The following FBXL20 variants were observed in gnomAD, a reference collection of about 807,000 sequenced individuals.
FBXL20 encodes F-box/LRR-repeat protein 20.
Under a neutral mutation model 64.0 loss-of-function variants are expected in FBXL20, and 11 were observed. The ratio of observed to expected loss-of-function variants is 0.17; its 90% confidence interval spans 0.11 to 0.28. The LOEUF is 0.28. Ranked by LOEUF, FBXL20 falls within the 10% of genes least tolerant of loss-of-function variation. FBXL20 has a pLI of 1.00. For synonymous variants in FBXL20, 184 were observed against 189.0 expected (o/e 0.97, Z 0.22); for missense variants, 303 against 526.2 (o/e 0.58, Z 4.15).
intron 1 of FBXL20, among the ~76,000 whole-genome samples, chr17:39,380,801 T>C (rs535441399): frequency 6.6e-6 from 1 of 152,256 alleles, no homozygotes; most frequent in African/African-American, 2.4e-5. Context: ...CTGACTGAAT[T>C]AGTGATGAGA....
At chr17:39,302,893 G>T (rs578042190) in intron 3 of FBXL20, among the ~76,000 whole-genome samples, 40 of 151,838 alleles carry the variant, frequency 2.6e-4, no homozygotes, top group African/African-American at 9.4e-4. Context: ...ACTTAGAAAA[G>T]ATACTATCAT....
chr17:39,276,763 T>C (rs1239714489), intron 9 of FBXL20, among the ~76,000 whole-genome samples: 1 of 152,168 alleles, frequency 6.6e-6, no homozygotes, highest in Non-Finnish European at 1.5e-5. Flanking sequence ...GAGTAATTTG[T>C]TGCACAATAA....
intron 2 of FBXL20, among the ~76,000 whole-genome samples, chr17:39,313,270 A>G (rs904094468): frequency 3.5e-5 from 5 of 141,490 alleles, no homozygotes; most frequent in African/African-American, 1.3e-4. Flanking sequence ...GTCTCACTCT[A>G]TTGCCCAGGC....
intron 1 of FBXL20, among the ~76,000 whole-genome samples, chr17:39,390,857 G>A (rs2048127124): frequency 1.3e-5 from 2 of 152,038 alleles, no homozygotes; most frequent in Admixed American, 1.3e-4. Flanking sequence ...GACCAGCCTG[G>A]TCAAGATGGT....
At chr17:39,312,968 G>T (rs1451395533) in intron 2 of FBXL20, among the ~76,000 whole-genome samples, 1 of 143,036 alleles carries the variant, frequency 7.0e-6, no homozygotes, top group East Asian at 2.0e-4. Flanking sequence ...GCCCAGACTG[G>T]ACTGCAGTGG....
At chr17:39,384,138 G>A (rs1459314826) in intron 1 of FBXL20, among the ~76,000 whole-genome samples, 1 of 152,018 alleles carries the variant, frequency 6.6e-6, no homozygotes, top group Non-Finnish European at 1.5e-5. Context: ...GGGAGGGTAA[G>A]GTGGAAGATC....
chr17:39,272,313 G>A (rs541503132), intron 10 of FBXL20, among the ~76,000 whole-genome samples: 23 of 151,536 alleles, frequency 1.5e-4, no homozygotes, highest in Admixed American at 9.2e-4. Flanking sequence ...TTGAACCCAG[G>A]AGGCGGAGTT....
At chr17:39,316,418 C>T (rs1166584606) in intron 2 of FBXL20, among the ~76,000 whole-genome samples, 1 of 151,990 alleles carries the variant, frequency 6.6e-6, no homozygotes, top group South Asian at 2.1e-4. Flanking sequence ...CTAAACATTT[C>T]TTTCTAGTAG....
intron 1 of FBXL20, among the ~76,000 whole-genome samples, chr17:39,364,588 A>G (rs1298227869): frequency 2.0e-5 from 3 of 152,122 alleles, no homozygotes; most frequent in Admixed American, 6.6e-5. Context: ...CCAGCCTGGG[A>G]GACAGAACAA....
chr17:39,384,635 C>G (rs1390749916), intron 1 of FBXL20, among the ~76,000 whole-genome samples: 1 of 151,988 alleles, frequency 6.6e-6, no homozygotes, highest in African/African-American at 2.4e-5. Context: ...CCAGTATAAT[C>G]TTGTTTGTTC....
chr17:39,393,230 A>G (rs2144680407), intron 1 of FBXL20, among the ~76,000 whole-genome samples: 1 of 152,230 alleles, frequency 6.6e-6, no homozygotes, highest in South Asian at 2.1e-4. Flanking sequence ...CAGAGGTTGC[A>G]GTGAGCTCAG....
rs62075003 is a variant in FBXL20, at chr17:39,360,002, A to G, written c.43-16761T>C. Among the ~76,000 whole-genome samples, 297 of 152,296 alleles carry G rather than the reference A, an allele frequency of 2.0e-3. 2 individuals are homozygous for G. The highest frequency in any genetic ancestry group is 2.5e-3 in the Non-Finnish European group (169 of 68,020). ...AAACATTAAAGTATTAAATGTATAA[A>G]CATAAAATATTAAAATTATGTTGTT... On this transcript the variant is annotated intron_variant, in intron 1 of 14. Coordinates refer to ENST00000264658, the MANE Select transcript of FBXL20 (RefSeq NM_032875.3).
chr17:39,292,783 G>A (rs951074594), intron 6 of FBXL20, among the ~76,000 whole-genome samples: 1 of 150,518 alleles, frequency 6.6e-6, no homozygotes, highest in East Asian at 2.0e-4. Context: ...CTTTGCATAT[G>A]TCTTATAATT....
chr17:39,273,401 T>G (rs1323321090), intron 10 of FBXL20, among the ~76,000 whole-genome samples: 1 of 152,198 alleles, frequency 6.6e-6, no homozygotes, highest in Non-Finnish European at 1.5e-5. Flanking sequence ...CAATGATTAT[T>G]ATATGTAAGA....
chr17:39,399,817 C>T (rs979614821), intron 1 of FBXL20, among the ~76,000 whole-genome samples: 2 of 152,248 alleles, frequency 1.3e-5, no homozygotes, highest in Non-Finnish European at 1.5e-5. Context: ...TGTAATTTTA[C>T]ACCACATACA....
At chr17:39,381,819 G>A (rs965248467) in intron 1 of FBXL20, among the ~76,000 whole-genome samples, 20 of 150,438 alleles carry the variant, frequency 1.3e-4, no homozygotes, top group Admixed American at 9.3e-4. Context: ...AAAAAAGGCC[G>A]GGCACAGTGG....
Position 39,371,229 on chromosome 17 carries a change from T to A in FBXL20, c.43-27988A>T, listed in dbSNP as rs900171956. ...CAAAGAAAAAAGAAGGGTTTTGTCA[T>A]GCATGACTTTATGAGGTAATCTGCC... On this transcript the variant is annotated intron_variant, in intron 1 of 14. Transcript: ENST00000264658. 4.6e-5 allele frequency among the ~76,000 whole-genome samples: 7 copies of A among 152,280 alleles called. No individual in the cohort carries two copies. In the East Asian group the frequency reaches 1.3e-3, roughly 29 times the overall value.
rs945935087 is a variant in FBXL20 at position 39,343,739 on chromosome 17, A to C, written c.43-498T>G. ...GAGACAGAGTCTTGCTCTGCTGCCC[A>C]GTCTGGAGTACAGTGGCATGATCTC... On this transcript the variant is annotated intron_variant, in intron 1 of 14. Coordinates refer to ENST00000264658, the MANE Select transcript of FBXL20 (RefSeq NM_032875.3). Among the ~76,000 whole-genome samples, 13 of 143,770 alleles carry C rather than the reference A, an allele frequency of 9.0e-5. 1 individual carries two copies. Among genetic ancestry groups the C allele is most frequent in the South Asian group, 6.6e-4 (3 of 4,532 alleles). The allele number at this position is 143,770 out of a possible 152,430, so 94.3% of individuals were successfully genotyped here.
intron 1 of FBXL20, among the ~76,000 whole-genome samples, chr17:39,362,300 A>G (rs975955385): frequency 4.6e-5 from 7 of 151,578 alleles, no homozygotes; most frequent in African/African-American, 1.7e-4. Flanking sequence ...CTCAAAAAAA[A>G]AAGAAAAATG....
Sources: allele counts gnomAD v4.1 joint callset (sites outside exome capture counted in the v4.1 genomes callset), GRCh38; gene constraint gnomAD v4.1.1; transcripts MANE v1.5; gene names NCBI Gene and HGNC (gene_info 2026-07-23, HGNC 2026-07-21).